Variants in SNX22 observed in about 807,000 individuals in gnomAD.
SNX22 encodes sorting nexin-22.
A neutral mutation model predicts 24.7 loss-of-function variants in SNX22; 23 were observed. The ratio of observed to expected loss-of-function variants is 0.93; its 90% CI spans 0.67 to 1.32. The LOEUF is 1.32. Among genes scored for constraint, SNX22 ranks in the 40% most tolerant of loss-of-function variants. The probability of loss-of-function intolerance (pLI) is 0.00; values close to 1 mark genes in which losing one functional copy is unlikely to be tolerated. For missense variants in SNX22, 261 were observed against 249.9 expected, an observed-to-expected ratio of 1.04 and a Z score of -0.30; for synonymous variants, 99 against 104.0, an observed-to-expected ratio of 0.95 and a Z score of 0.29.
intron 3 of SNX22, chr15:64,153,012 G>T: frequency 1.6e-6 from 1 of 618,766 alleles, no homozygotes; most frequent in Non-Finnish European, 2.8e-6. Context: ...CTGCCCTCCT[G>T]ATGGCATGTA....
intron 2 of SNX22, 70 bp from the exon 3 acceptor site, chr15:64,152,567 TC>T: frequency 6.8e-7 from 1 of 1,472,798 alleles, no homozygotes; most frequent in Non-Finnish European, 9.4e-7. Flanking sequence ...CGGGAGGGCT[TC>T]TGGCTGGGGC....
Position 64,153,921 on chromosome 15 carries a change from C to G in SNX22, c.393-14C>G. The G allele has an allele frequency of 6.2e-7, 1 of 1,609,678 alleles. No homozygotes were observed. Among genetic ancestry groups the G allele is most frequent in the South Asian group, 1.1e-5 (1 of 90,672 alleles). On this transcript the variant is annotated splice_polypyrimidine_tract_variant and intron_variant, in intron 5 of 6. Transcript: ENST00000325881. ...CCTCCCGCACCCATGGTTCATGACC[C>G]TGTTTCCTCCCAGCTCCCAGCAGCA...
rs3056904 is a variant in SNX22, at chr15:64,155,510, C to CAA, written c.*1025_*1026dup. 3.1e-3 allele frequency: 386 copies of CAA among 124,604 alleles called. 6 individuals are homozygous for CAA. Among genetic ancestry groups the CAA allele is most frequent in the African/African-American group, 0.015 (342 of 23,230 alleles). 7.7% of individuals were successfully genotyped at this position (124,604 alleles called of 1,614,324 possible). A position where few individuals can be genotyped will look rare whatever the true frequency, so the allele number is the denominator to read the frequency against. On this transcript the variant is annotated 3_prime_UTR_variant, in exon 7 of 7. Coordinates refer to ENST00000325881, the MANE Select transcript of SNX22 (RefSeq NM_024798.3). ...GCAACATAGTGAGACCTGTCTCTAC[C>CAA]AAAAAAAAAAAAAAAAAAAAAAAAT... is the stretch of plus-strand genomic sequence containing the variant.
intron 3 of SNX22, 193 bp downstream of exon 3, chr15:64,152,935 T>C: frequency 1.6e-6 from 1 of 616,064 alleles, no homozygotes; most frequent in Non-Finnish European, 2.8e-6. Context: ...CTGAAAGAGG[T>C]AACGGACACA....
chr15:64,151,936 C>T (rs2081489118), intron 1 of SNX22, 86 bp downstream of exon 1: 1 of 1,309,250 alleles, frequency 7.6e-7, no homozygotes, highest in Non-Finnish European at 1.0e-6. Context: ...GGGCCCGGGC[C>T]TGGGTGAACG....
chr15:64,152,085 C>G, intron 1 of SNX22, 158 bp from the exon 2 acceptor site: 2 of 813,240 alleles, frequency 2.5e-6, no homozygotes, highest in South Asian at 2.1e-5. Context: ...CCGGTTCTCC[C>G]AGGTGTGCGG....
chr15:64,152,587 C>CT, intron 2 of SNX22, 51 bp from the exon 3 acceptor site: 5 of 1,550,322 alleles, frequency 3.2e-6, no homozygotes, highest in Non-Finnish European at 3.5e-6. Context: ...GCGAAGAGGG[C>CT]TTGAGGGCTC....
chr15:64,153,513 C>A, intron 4 of SNX22, 139 bp from the exon 5 acceptor site: 1 of 1,493,940 alleles, frequency 6.7e-7, no homozygotes, highest in Non-Finnish European at 9.3e-7. Flanking sequence ...GTTACCCCCG[C>A]CACCTCCGGA....
rs1567344799 is a variant in SNX22 at position 64,155,993 on chromosome 15, CG to C, written c.*1487del. ...TGGCGGACTACAGGGCCTGCACAGA[CG>C]GTCACTCAAAGAAAGATGTCCCTGT... On this transcript the variant is annotated 3_prime_UTR_variant, in exon 7 of 7. Transcript: ENST00000325881. The C allele has an allele frequency of 1.9e-6, 3 of 1,614,030 alleles. No individual in the cohort carries two copies. The East Asian group carries it at 6.7e-5, about 36-fold the overall frequency.
Position 64,152,934 on chromosome 15 carries a change from G to A in SNX22, c.264+192G>A, listed in dbSNP as rs1042480730. 31 of 617,398 alleles carry A rather than the reference G, an allele frequency of 5.0e-5. No homozygotes were observed. In the African/African-American group the frequency reaches 5.2e-4, roughly 10 times the overall value. 38.2% of individuals were successfully genotyped at this position (617,398 alleles called of 1,614,324 possible). ...TGGCTTGTTGAAAGGACTGAAAGAG[G>A]TAACGGACACAGGTAGTCCCAGCTC... On this transcript the variant is annotated intron_variant, in intron 3 of 6. Coordinates refer to ENST00000325881, the MANE Select transcript of SNX22 (RefSeq NM_024798.3).
Position 64,154,576 on chromosome 15 carries a change from G to A in SNX22, c.*68G>A, listed in dbSNP as rs879232797. The A allele has an allele frequency of 1.2e-5, 19 of 1,577,692 alleles. No individual in the cohort carries two copies. The South Asian group carries it at 2.1e-4, about 17-fold the overall frequency. ...CCTCTGTCCTATGAACTCCATATAA[G>A]GCTGGGTCCTCCTTTGGCCTGGACC... On this transcript the variant is annotated 3_prime_UTR_variant, in exon 7 of 7. Transcript: ENST00000325881.
At position 64,156,687 on chromosome 15, in the gene SNX22, A is replaced by C; in HGVS notation, c.*2179A>C. The C allele has an allele frequency of 6.2e-7, 1 of 1,610,766 alleles. No homozygotes were observed. Among genetic ancestry groups the C allele is most frequent in the Non-Finnish European group, 8.5e-7 (1 of 1,176,956 alleles). On this transcript the variant is annotated 3_prime_UTR_variant, in exon 7 of 7. Coordinates refer to ENST00000325881, the MANE Select transcript of SNX22 (RefSeq NM_024798.3). This position sits in a 1 kb window ranked among gnomAD's most constrained non-coding sequence, Gnocchi z 6.4. ...TGGGGTCTGTGTTGAATCCCCGGTGAGGATTGCCCAGTAGTAGCCCTTGCT... is the reference window on the plus strand; with the variant it reads ...TGGGGTCTGTGTTGAATCCCCGGTGCGGATTGCCCAGTAGTAGCCCTTGCT...
In SNX22 at chr15:64,152,727, G is replaced by A. The variant is rs768336919; in HGVS notation, c.249G>A (p.Leu83=). The change falls in exon 3 of 7, where the codon TTG becomes TTA. Residue 83 remains leucine, a synonymous_variant. Coordinates refer to ENST00000325881, the MANE Select transcript of SNX22 (RefSeq NM_024798.3). ...GGTTGGAACAGCGCCGGCAGGGCTT[G>A]GAGGCTTACATCCAGGTATGCGAGA... ...TRGLEQRRQG[L]EAYIQGILYL... 3.7e-5 allele frequency: 59 copies of A among 1,614,054 alleles called. 1 individual carries two copies. The South Asian group carries it at 5.9e-4, about 16-fold the overall frequency.
At chr15:64,153,515 A>T (rs1260675015) in intron 4 of SNX22, 137 bp from the exon 5 acceptor site, 1 of 1,493,980 alleles carries the variant, frequency 6.7e-7, no homozygotes, top group African/African-American at 1.4e-5. Flanking sequence ...TACCCCCGCC[A>T]CCTCCGGAAC....
intron 3 of SNX22, 200 bp downstream of exon 3, chr15:64,152,942 C>G: frequency 3.3e-6 from 2 of 612,942 alleles, no homozygotes; most frequent in South Asian, 3.9e-5. Context: ...AGGTAACGGA[C>G]ACAGGTAGTC....
chr15:64,157,110 G>A lies in SNX22; in HGVS notation c.*2602G>A, dbSNP rs907412669. ...TGACTGAGGCCAAGTGGGGCATCAG[G>A]CCAGGCTGATGTGGTGAACAGCTCA... is the stretch of plus-strand genomic sequence containing the variant. On this transcript the variant is annotated 3_prime_UTR_variant, in exon 7 of 7. Coordinates refer to ENST00000325881, the MANE Select transcript of SNX22 (RefSeq NM_024798.3). The surrounding 1 kb of genome is among the most constrained non-coding windows in gnomAD (Gnocchi z 4.2). The A allele has an allele frequency of 1.6e-6, 1 of 610,026 alleles. No individual in the cohort carries two copies. The highest frequency in any genetic ancestry group is 1.8e-5 in the African/African-American group (1 of 54,160). 37.8% of individuals were successfully genotyped at this position (610,026 alleles called of 1,614,324 possible). A position where few individuals can be genotyped will look rare whatever the true frequency, so the allele number is the denominator to read the frequency against.
intron 1 of SNX22, 121 bp downstream of exon 1, chr15:64,151,971 G>A (rs980348976): frequency 7.6e-6 from 8 of 1,054,318 alleles, no homozygotes; most frequent in Non-Finnish European, 9.1e-6. Context: ...GACCGTCGGG[G>A]GAAACCTTGT....
chr15:64,155,983 C>A lies in SNX22; in HGVS notation c.*1475C>A. On this transcript the variant is annotated 3_prime_UTR_variant, in exon 7 of 7. Coordinates refer to ENST00000325881, the MANE Select transcript of SNX22 (RefSeq NM_024798.3). ...CAGAGCCCTGTGGCGGACTACAGGGCCTGCACAGACGGTCACTCAAAGAAA... is the reference window on the plus strand; with the variant it reads ...CAGAGCCCTGTGGCGGACTACAGGGACTGCACAGACGGTCACTCAAAGAAA... 1 of 1,613,850 alleles carries A rather than the reference C, an allele frequency of 6.2e-7. No individual in the cohort carries two copies. The highest frequency in any genetic ancestry group is 1.1e-5 in the South Asian group (1 of 91,070).
chr15:64,153,632 AGT>A lies in SNX22; in HGVS notation c.360-17_360-16del. On this transcript the variant is annotated intron_variant, in intron 4 of 6. Coordinates refer to ENST00000325881, the MANE Select transcript of SNX22 (RefSeq NM_024798.3). ...CCCCCGGCATCCCCAGGCAGCTTAC[AGT>A]GTTTCTCTTCTCTTCAGCACCCTGA... 1.2e-6 allele frequency: 2 copies of A among 1,613,910 alleles called. No homozygotes were observed. The highest frequency in any genetic ancestry group is 1.7e-6 in the Non-Finnish European group (2 of 1,179,958).
Sources: allele counts gnomAD v4.1 joint callset, GRCh38; gene constraint gnomAD v4.1.1; non-coding constraint Gnocchi (gnomAD v3.1); transcripts MANE v1.5; gene names NCBI Gene and HGNC (gene_info 2026-07-23, HGNC 2026-07-21).